Variants in CSPP1 observed in about 807,000 individuals in gnomAD.
CSPP1 encodes the protein centrosome and spindle pole associated protein 1, also known as centrosome and spindle pole-associated protein 1.
A neutral mutation model predicts 164.4 loss-of-function variants in CSPP1; 126 were observed. The observed-to-expected ratio is 0.77, with a 90% CI of 0.66 to 0.89. The LOEUF (loss-of-function observed/expected upper bound fraction) is 0.89, where lower values mean the gene tolerates loss of function less well. CSPP1 is among the 40% of genes least tolerant of loss of function. The pLI is 0.00. For synonymous variants in CSPP1, 472 were observed against 476.7 expected, an observed-to-expected ratio of 0.99 and a Z score of 0.13; for missense variants, 1,395 against 1,449.8, an observed-to-expected ratio of 0.96 and a Z score of 0.61.
rs1491198149 is a variant in CSPP1 at position 67,159,941 on chromosome 8, C to CTTTT, written c.2538+804_2538+805insTTTT. Among the ~76,000 whole-genome samples, 142 of 64,924 alleles carry CTTTT rather than the reference C, an allele frequency of 2.2e-3. 2 individuals carry two copies. Among genetic ancestry groups the CTTTT allele is most frequent in the East Asian group, 4.1e-3 (11 of 2,654 alleles). 42.6% of individuals were successfully genotyped at this position (64,924 alleles called of 152,430 possible). ...CTTTCTTTCCTTTCCTTCCTTCCTT[C>CTTTT]CTTCCTTCCTTCCTTCTTTCTTTTC... On this transcript the variant is annotated intron_variant, in intron 21 of 30. Coordinates refer to ENST00000678616, the MANE Select transcript of CSPP1 (RefSeq NM_001382391.1).
At chr8:67,118,555 C>T (rs1284988023) in intron 14 of CSPP1, among the ~76,000 whole-genome samples, 186 bp downstream of exon 14, 2 of 151,996 alleles carry the variant, frequency 1.3e-5, no homozygotes, top group Non-Finnish European at 2.9e-5. Context: ...TCCTTTTCAT[C>T]TTGGTTTAAG....
At chr8:67,122,032 TTTA>T (rs1465356478) in intron 15 of CSPP1, among the ~76,000 whole-genome samples, 2 of 151,714 alleles carry the variant, frequency 1.3e-5, no homozygotes, top group Non-Finnish European at 2.9e-5. Context: ...CTGATTATAT[TTTA>T]TTATTTATTT....
chr8:67,111,911 C>T, intron 9 of CSPP1, 61 bp from the exon 10 acceptor site: 1 of 1,025,512 alleles, frequency 9.8e-7, no homozygotes, highest in Non-Finnish European at 1.5e-6. Context: ...AAGGACTTAA[C>T]TTTCTAATTG....
intron 9 of CSPP1, 112 bp downstream of exon 9, chr8:67,106,087 T>C (rs1815461295): frequency 1.6e-6 from 1 of 635,038 alleles, no homozygotes; most frequent in African/African-American, 1.8e-5. Flanking sequence ...GTAGAAAATA[T>C]TTGTAAGTGC....
intron 29 of CSPP1, among the ~76,000 whole-genome samples, chr8:67,191,988 T>C (rs1343120794): frequency 6.6e-6 from 1 of 152,196 alleles, no homozygotes; most frequent in East Asian, 1.9e-4. Context: ...TGTAATGATA[T>C]TGAACATCTT....
rs1435224828 is a variant in CSPP1 at position 67,076,390 on chromosome 8, TC to T, written c.100-91del. ...TTCTTCTATGATGTACTGTGTAATTTCATCAAGCTGTTTAATTAAAATTTGA... is the reference window on the plus strand; with the variant it reads ...TTCTTCTATGATGTACTGTGTAATTTATCAAGCTGTTTAATTAAAATTTGA... On this transcript the variant is annotated intron_variant, in intron 2 of 30. Coordinates refer to ENST00000678616, the MANE Select transcript of CSPP1 (RefSeq NM_001382391.1). The T allele has an allele frequency of 1.1e-5, 7 of 625,580 alleles. No homozygotes were observed. In the African/African-American group the frequency reaches 1.3e-4, roughly 12 times the overall value. The allele number at this position is 625,580 out of a possible 1,614,324, so 38.8% of individuals were successfully genotyped here.
intron 3 of CSPP1, chr8:67,084,203 T>C (rs1456242329): frequency 6.6e-6 from 1 of 152,240 alleles, no homozygotes; most frequent in Non-Finnish European, 1.5e-5. Flanking sequence ...GCATATGGAA[T>C]GCTTTAGTTT....
intron 20 of CSPP1, 105 bp downstream of exon 20, chr8:67,158,701 T>G: frequency 1.5e-6 from 2 of 1,359,466 alleles, no homozygotes; most frequent in East Asian, 5.1e-5. Context: ...TTGGAGTACA[T>G]TTAGAAAATA....
intron 8 of CSPP1, among the ~76,000 whole-genome samples, chr8:67,103,824 AGCAAGACTCC>A (rs1814712111): frequency 7.1e-6 from 1 of 140,106 alleles, no homozygotes; most frequent in Non-Finnish European, 1.5e-5. Context: ...TGGGCAACAG[AGCAAGACTCC>A]CTCTCAAAAA....
At chr8:67,103,789 G>A (rs976951902) in intron 8 of CSPP1, among the ~76,000 whole-genome samples, 2 of 144,638 alleles carry the variant, frequency 1.4e-5, no homozygotes, top group Non-Finnish European at 3.0e-5. Context: ...GCAGTGAGCC[G>A]AGATCGCACC....
intron 17 of CSPP1, 126 bp downstream of exon 17, chr8:67,137,729 A>G (rs951449033): frequency 4.5e-6 from 2 of 448,514 alleles, no homozygotes; most frequent in Non-Finnish European, 7.9e-6. Flanking sequence ...AACTTAATGC[A>G]TATGAGGTAT....
intron 15 of CSPP1, among the ~76,000 whole-genome samples, chr8:67,125,702 CT>C (rs1819921429): frequency 6.6e-6 from 1 of 152,142 alleles, no homozygotes; most frequent in Non-Finnish European, 1.5e-5. Context: ...TTTCTTCTGC[CT>C]GCTCGAATGT....
At chr8:67,106,640 A>G (rs1463058495) in intron 9 of CSPP1, among the ~76,000 whole-genome samples, 1 of 152,154 alleles carries the variant, frequency 6.6e-6, no homozygotes, top group Admixed American at 6.5e-5. Flanking sequence ...GCTATATTAC[A>G]CTTGGCAAAA....
intron 3 of CSPP1, among the ~76,000 whole-genome samples, 194 bp from the exon 4 acceptor site, chr8:67,085,813 G>C (rs942433519): frequency 1.3e-5 from 2 of 152,160 alleles, no homozygotes; most frequent in African/African-American, 4.8e-5. Context: ...TCATGGATGA[G>C]AATGATATTT....
At position 67,195,470 on chromosome 8, in the gene CSPP1, C is replaced by T; in HGVS notation, c.3558C>T (p.Leu1186=). Residue 1186 remains leucine, a synonymous_variant, in exon 31 of 31, where the codon CTC becomes CTT. Transcript: ENST00000678616. ...ACTCTGTAGCAACTGAGCCCTGGCT[C>T]CGCCCTGGCACTTCAGAAACGCTGA... The part of the protein sequence containing the change: ...GSNSVATEPW[L]RPGTSETLKR... 3.1e-6 allele frequency: 5 copies of T among 1,614,124 alleles called. No individual in the cohort carries two copies. The highest frequency in any genetic ancestry group is 4.2e-6 in the Non-Finnish European group (5 of 1,179,956).
chr8:67,163,840 T>C, intron 23 of CSPP1, 42 bp downstream of exon 23: 1 of 1,423,206 alleles, frequency 7.0e-7, no homozygotes, highest in South Asian at 1.2e-5. Context: ...GTATTTCTCT[T>C]TTTAACTTTT....
At chr8:67,190,051 A>G (rs1835788263) in intron 28 of CSPP1, among the ~76,000 whole-genome samples, 2 of 152,328 alleles carry the variant, frequency 1.3e-5, no homozygotes, top group South Asian at 2.1e-4. Context: ...AGAGTTAACC[A>G]TAATACCCAG....
chr8:67,112,904 A>G (rs1157208961), intron 10 of CSPP1, among the ~76,000 whole-genome samples: 1 of 152,196 alleles, frequency 6.6e-6, no homozygotes, highest in Non-Finnish European at 1.5e-5. Context: ...CCTATGAGAT[A>G]TTATAGTTTA....
At chr8:67,117,462 T>C (rs923356983) in intron 13 of CSPP1, among the ~76,000 whole-genome samples, 1 of 152,236 alleles carries the variant, frequency 6.6e-6, no homozygotes, top group Non-Finnish European at 1.5e-5. Context: ...TTTGCCATTT[T>C]TACTACTGAA....
Sources: gnomAD v4.1 joint callset for allele counts (sites outside exome capture counted in the v4.1 genomes callset) on GRCh38, gnomAD v4.1.1 for gene constraint, MANE v1.5 for transcripts, NCBI Gene and HGNC (gene_info 2026-07-23, HGNC 2026-07-21) for gene names.